Variants in DGKQ observed in about 807,000 individuals in gnomAD.
The protein encoded by DGKQ is diacylglycerol kinase theta.
In DGKQ, 97 loss-of-function variants were observed where a neutral mutation model predicts 104.2. The observed-to-expected ratio is 0.93, with a 90% confidence interval of 0.79 to 1.10. DGKQ has a LOEUF of 1.10. Ranked by LOEUF, DGKQ falls within the 50% of genes least tolerant of loss-of-function variation. DGKQ has a pLI of 0.00. For synonymous variants in DGKQ, 736 were observed against 595.2 expected (o/e 1.24, Z -3.44); for missense variants, 1,465 against 1,352.1 (o/e 1.08, Z -1.31).
In DGKQ at chr4:965,938, C is replaced by G. The variant is rs148187356; in HGVS notation, c.1569G>C (p.Gly523=). The G allele has an allele frequency of 1.7e-5, 27 of 1,602,588 alleles. No individual in the cohort carries two copies. The African/African-American group carries it at 3.5e-4, about 21-fold the overall frequency. The part of the protein sequence containing the change: ...EEYSSLLHEA[G]ATKATVVSVS... ...CCACAGTGGTCACACCTTTGGTAGC[C>G]CCGGCCTCATGCAGCAGGCTGCTGT... Residue 523 remains glycine, a synonymous_variant, in exon 13 of 23, where the codon GGG becomes GGC. Coordinates refer to ENST00000273814, the MANE Select transcript of DGKQ (RefSeq NM_001347.4).
At chr4:962,333 C>T (rs1320726417) in intron 18 of DGKQ, 102 bp downstream of exon 18, 10 of 1,209,182 alleles carry the variant, frequency 8.3e-6, no homozygotes, top group Admixed American at 4.6e-5. Context: ...GATGCGGGCG[C>T]GTACACCCGA....
rs772812460 is a variant in DGKQ, at chr4:962,553, G to A, written c.2096C>T (p.Ser699Phe). Residue 699 changes from serine (S) to phenylalanine (F), a missense_variant, in exon 18 of 23, where the codon TCC becomes TTC. Physicochemically the swap from Ser to Phe is radical, Grantham distance 155 (BLOSUM62 -2). Coordinates refer to ENST00000273814, the MANE Select transcript of DGKQ (RefSeq NM_001347.4). Reference protein sequence around the residue: ...GAGYSGEDPFSVLLSVDEADA... With the variant: ...GAGYSGEDPFFVLLSVDEADA... ...GGCCTCGTCCACAGACAGCAGTACGGAGAACGGGTCCTCGCCGCTGTAGCC... is the reference window on the plus strand; with the variant it reads ...GGCCTCGTCCACAGACAGCAGTACGAAGAACGGGTCCTCGCCGCTGTAGCC... 7 of 1,610,336 alleles carry A rather than the reference G, an allele frequency of 4.3e-6. No individual in the cohort carries two copies. Among genetic ancestry groups the A allele is most frequent in the Non-Finnish European group, 5.9e-6 (7 of 1,179,942 alleles).
intron 1 of DGKQ, 90 bp downstream of exon 1, chr4:973,122 C>T (rs1254272572): frequency 1.5e-6 from 2 of 1,345,184 alleles, no homozygotes; most frequent in South Asian, 1.6e-5. Context: ...TCCACTCCCC[C>T]GAAAGCGCCG....
At position 968,904 on chromosome 4, in the gene DGKQ, C is replaced by T; in HGVS notation, c.358G>A (p.Val120Ile). 1.9e-6 allele frequency: 3 copies of T among 1,587,938 alleles called. No individual in the cohort carries two copies. Among genetic ancestry groups the T allele is most frequent in the Non-Finnish European group, 2.6e-6 (3 of 1,164,004 alleles). Residue 120 changes from valine (V) to isoleucine (I), a missense_variant, in exon 3 of 23, where the codon GTA (valine) becomes ATA (isoleucine). Val to Ile is a conservative substitution (Grantham distance 29, BLOSUM62 3). Coordinates refer to ENST00000273814, the MANE Select transcript of DGKQ (RefSeq NM_001347.4). ...CCCCGGGGGCCGAAGCAGTGGGCTA[C>T]AGGAACCTGGTGGGGCAGCCTCACC... ...SVAPSLVRVP[V>I]AHCFGPRGLH...
intron 16 of DGKQ, 74 bp downstream of exon 16, chr4:963,065 G>A: frequency 4.6e-6 from 7 of 1,512,112 alleles, no homozygotes; most frequent in Non-Finnish European, 6.2e-6. Context: ...TGCCGGCCGA[G>A]ACAGCTGTGG....
At chr4:965,853 A>G in intron 13 of DGKQ, 75 bp downstream of exon 13, 2 of 1,446,930 alleles carry the variant, frequency 1.4e-6, no homozygotes, top group East Asian at 5.0e-5. Context: ...GAGCCGGCTC[A>G]GCACTGCAGC....
intron 2 of DGKQ, among the ~76,000 whole-genome samples, chr4:970,562 G>A (rs1047760188): frequency 1.3e-5 from 2 of 152,208 alleles, no homozygotes; most frequent in East Asian, 1.9e-4. Context: ...ACACATAGCT[G>A]TGAGGAAACT....
Position 961,836 on chromosome 4 carries a change from T to C in DGKQ, c.2316-2A>G. 1.3e-6 allele frequency: 2 copies of C among 1,595,842 alleles called. No individual in the cohort carries two copies. Among genetic ancestry groups the C allele is most frequent in the Non-Finnish European group, 1.7e-6 (2 of 1,170,720 alleles). ...ACGTACACACCCTTGTTGTGCAGCC[T>C]GCAGGACGGGGCAGGTCACCCATCA... On this transcript the variant is annotated splice_acceptor_variant, in intron 19 of 22. Coordinates refer to ENST00000273814, the MANE Select transcript of DGKQ (RefSeq NM_001347.4). LOFTEE classifies it high-confidence loss of function.
At chr4:972,463 C>G (rs1034335838) in intron 1 of DGKQ, among the ~76,000 whole-genome samples, 2 of 152,204 alleles carry the variant, frequency 1.3e-5, no homozygotes, top group African/African-American at 4.8e-5. Context: ...AGGCCTGAGG[C>G]TAAGGATAGC....
intron 12 of DGKQ, 50 bp from the exon 13 acceptor site, chr4:966,128 C>T (rs1187430646): frequency 6.5e-7 from 1 of 1,534,096 alleles, no homozygotes; most frequent in Non-Finnish European, 8.8e-7. Context: ...GGCACCACCG[C>T]ACCAGGCCCT....
At chr4:966,854 G>A (rs755266652) in intron 10 of DGKQ, 52 bp from the exon 11 acceptor site, 20 of 1,578,564 alleles carry the variant, frequency 1.3e-5, no homozygotes, top group Non-Finnish European at 1.5e-5. Flanking sequence ...ACCACCTCAG[G>A]ACACCCGCGG....
At chr4:961,252 G>A (rs370887375) in intron 21 of DGKQ, 51 bp from the exon 22 acceptor site, 88 of 1,427,502 alleles carry the variant, frequency 6.2e-5, no homozygotes, top group Non-Finnish European at 8.0e-5. Context: ...GACGCCCACC[G>A]CTGACCTGGC....
rs201330133 is a variant in DGKQ at position 966,545 on chromosome 4, C to A, written c.1367-18G>T. On this transcript the variant is annotated intron_variant, in intron 11 of 22. Coordinates refer to ENST00000273814, the MANE Select transcript of DGKQ (RefSeq NM_001347.4). ...CCGCTGGACTGCAGAGGTGAGGGCACAGGCCGTCAGCACCCGGCTCCTCGC... is the reference window on the plus strand; with the variant it reads ...CCGCTGGACTGCAGAGGTGAGGGCAAAGGCCGTCAGCACCCGGCTCCTCGC... 1 of 1,608,200 alleles carries A rather than the reference C, an allele frequency of 6.2e-7. No individual in the cohort carries two copies. Among genetic ancestry groups the A allele is most frequent in the Non-Finnish European group, 8.5e-7 (1 of 1,176,908 alleles).
At chr4:965,875 C>G (rs1021792141) in intron 13 of DGKQ, 53 bp downstream of exon 13, 2 of 1,507,642 alleles carry the variant, frequency 1.3e-6, no homozygotes, top group South Asian at 2.6e-5. Flanking sequence ...CCACTGCCTG[C>G]CGCTCGACCC....
At chr4:966,943 G>A (rs775600147) in intron 10 of DGKQ, 21 bp downstream of exon 10, 16 of 1,554,168 alleles carry the variant, frequency 1.0e-5, no homozygotes, top group Middle Eastern at 1.7e-4. Flanking sequence ...CCGGCATGGG[G>A]AGCAGGCACA....
intron 2 of DGKQ, 64 bp from the exon 3 acceptor site, chr4:968,974 C>G: frequency 2.9e-6 from 3 of 1,049,024 alleles, no homozygotes; most frequent in Non-Finnish European, 4.2e-6. Context: ...CACCCCTCCT[C>G]GCTCTTCACC....
Position 966,821 on chromosome 4 carries a change from G to C in DGKQ, c.1312-19C>G. 1 of 1,605,450 alleles carries C rather than the reference G, an allele frequency of 6.2e-7. No homozygotes were observed. Among genetic ancestry groups the C allele is most frequent in the East Asian group, 2.2e-5 (1 of 44,550 alleles). ...TCTCGGCCTGTTGGGGTAGAGCTTG[G>C]CATCGGGTCTGGGCAGGCCCCCACC... On this transcript the variant is annotated intron_variant, in intron 10 of 22. Transcript: ENST00000273814.
chr4:973,386 C>A lies in DGKQ; in HGVS notation c.97G>T (p.Gly33Cys). 9.1e-7 allele frequency: 1 copy of A among 1,095,200 alleles called. No individual in the cohort carries two copies. Among genetic ancestry groups the A allele is most frequent in the South Asian group, 4.2e-5 (1 of 23,764 alleles). The allele number at this position is 1,095,200 out of a possible 1,614,324, so 67.8% of individuals were successfully genotyped here. Residue 33 changes from glycine to cysteine, a missense_variant, in exon 1 of 23, where the codon GGC (glycine) becomes TGC (cysteine). Coordinates refer to ENST00000273814, the MANE Select transcript of DGKQ (RefSeq NM_001347.4). ...GGCCCCGGCCCCGGGCGCGCGCGGCCTCCTGAGCCCAGCACGGGGCTGCAG... is the reference window on the plus strand; with the variant it reads ...GGCCCCGGCCCCGGGCGCGCGCGGCATCCTGAGCCCAGCACGGGGCTGCAG... The part of the protein sequence containing the change: ...PACSPVLGSG[G>C]RARPGPGPGP...
intron 12 of DGKQ, 40 bp from the exon 13 acceptor site, chr4:966,118 G>C: frequency 1.9e-6 from 3 of 1,556,736 alleles, no homozygotes; most frequent in Non-Finnish European, 2.6e-6. Flanking sequence ...CGGGGAGAAC[G>C]GCACCACCGC....
Sources: allele counts gnomAD v4.1 joint callset (sites outside exome capture counted in the v4.1 genomes callset), GRCh38; gene constraint gnomAD v4.1.1; transcripts MANE v1.5; gene names NCBI Gene and HGNC (gene_info 2026-07-23, HGNC 2026-07-21).